NKAIN2: variants seen among roughly 807,000 people sequenced by gnomAD.
The protein encoded by NKAIN2 is sodium/potassium-transporting ATPase subunit beta-1-interacting protein 2.
In NKAIN2, 14 loss-of-function variants were observed where a neutral mutation model predicts 32.6. The ratio of observed to expected loss-of-function variants is 0.43; its 90% CI spans 0.28 to 0.67. The LOEUF is 0.67. Among genes scored for constraint, NKAIN2 ranks in the 30% least tolerant of loss-of-function variants. The pLI is 0.17. For missense variants in NKAIN2, 198 were observed against 258.3 expected (o/e 0.77, Z 1.60); for synonymous variants, 80 against 87.2 (o/e 0.92, Z 0.46).
At chr6:124,132,832 G>T (rs1175973506) in intron 1 of NKAIN2, among the ~76,000 whole-genome samples, 1 of 152,164 alleles carries the variant, frequency 6.6e-6, no homozygotes, top group African/African-American at 2.4e-5. Flanking sequence ...AGCCCCACTG[G>T]GTGACTAGGC....
intron 3 of NKAIN2, among the ~76,000 whole-genome samples, chr6:124,379,332 G>A (rs1043735357): frequency 5.4e-5 from 8 of 146,902 alleles, no homozygotes; most frequent in African/African-American, 7.6e-5. Flanking sequence ...GAAGGGAGGA[G>A]AGAGGGGAGT....
intron 1 of NKAIN2, among the ~76,000 whole-genome samples, chr6:124,268,897 G>A (rs1001043923): frequency 1.1e-4 from 17 of 151,896 alleles, no homozygotes; most frequent in African/African-American, 4.1e-4. Flanking sequence ...TCAGTTTTCT[G>A]ATCTTAAAAA....
At chr6:124,394,485 AGATAGATAGATAGATAGATAGATT>A (rs1241271729) in intron 3 of NKAIN2, among the ~76,000 whole-genome samples, 2 of 151,428 alleles carry the variant, frequency 1.3e-5, no homozygotes, top group Non-Finnish European at 3.0e-5. Context: ...ATAGATAGAT[AGATAGATAGATAGATAGATAGATT>A]AGATAGATAC....
At chr6:124,622,449 G>A (rs575610628) in intron 3 of NKAIN2, among the ~76,000 whole-genome samples, 1 of 152,274 alleles carries the variant, frequency 6.6e-6, no homozygotes, top group Admixed American at 6.5e-5. Flanking sequence ...GTCTAGGGGT[G>A]GATGCCTGCA....
chr6:124,100,290 A>G (rs538156789), intron 1 of NKAIN2, among the ~76,000 whole-genome samples: 34 of 152,330 alleles, frequency 2.2e-4, no homozygotes, highest in African/African-American at 6.3e-4. Flanking sequence ...AAAGAACTCA[A>G]TGGAGTTTAT....
At chr6:124,579,172 A>G (rs1583467967) in intron 3 of NKAIN2, among the ~76,000 whole-genome samples, 1 of 152,182 alleles carries the variant, frequency 6.6e-6, no homozygotes, top group Non-Finnish European at 1.5e-5. Flanking sequence ...ACCAGTAAAT[A>G]CCTAACTCTT....
At chr6:124,793,274 C>T (rs1344728775) in intron 5 of NKAIN2, among the ~76,000 whole-genome samples, 3 of 152,084 alleles carry the variant, frequency 2.0e-5, no homozygotes, top group Non-Finnish European at 4.4e-5. Flanking sequence ...GTTCAGTTTG[C>T]ACAGGTTGAG....
intron 3 of NKAIN2, among the ~76,000 whole-genome samples, chr6:124,634,814 G>C (rs894895916): frequency 3.3e-5 from 5 of 151,854 alleles, no homozygotes; most frequent in Admixed American, 6.6e-5. Flanking sequence ...AAGCCAAAGA[G>C]AGAATTCTAA....
At chr6:124,143,405 A>C (rs2114345911) in intron 1 of NKAIN2, among the ~76,000 whole-genome samples, 1 of 152,304 alleles carries the variant, frequency 6.6e-6, no homozygotes, top group Middle Eastern at 3.4e-3. Flanking sequence ...GGCTGCAGTG[A>C]GTTATGACTG....
chr6:124,370,689 A>G (rs577010820), intron 3 of NKAIN2, among the ~76,000 whole-genome samples: 1 of 152,272 alleles, frequency 6.6e-6, no homozygotes, highest in East Asian at 1.9e-4. Flanking sequence ...AAAAATCTCT[A>G]GTGATAGGTC....
At chr6:124,273,663 C>T (rs1050612261) in intron 1 of NKAIN2, among the ~76,000 whole-genome samples, 1 of 152,118 alleles carries the variant, frequency 6.6e-6, no homozygotes, top group African/African-American at 2.4e-5. Context: ...TATCACATTG[C>T]TCAATACCTA....
chr6:124,288,541 G>A (rs760014432), intron 2 of NKAIN2, among the ~76,000 whole-genome samples: 6 of 152,072 alleles, frequency 3.9e-5, no homozygotes, highest in South Asian at 2.1e-4. Flanking sequence ...TTATTCATGC[G>A]GGAAAACAAT....
At chr6:124,147,608 C>G (rs1227496535) in intron 1 of NKAIN2, among the ~76,000 whole-genome samples, 1 of 149,270 alleles carries the variant, frequency 6.7e-6, no homozygotes, top group Non-Finnish European at 1.5e-5. Flanking sequence ...ATGTCTTCAA[C>G]AAAAAAAAAG....
At chr6:124,508,196 G>A (rs1778563525) in intron 3 of NKAIN2, among the ~76,000 whole-genome samples, 1 of 152,030 alleles carries the variant, frequency 6.6e-6, no homozygotes, top group Non-Finnish European at 1.5e-5. Context: ...GGTTAAGGCT[G>A]TAGTGAGCAG....
intron 3 of NKAIN2, among the ~76,000 whole-genome samples, chr6:124,507,810 A>G (rs1053575805): frequency 2.0e-5 from 3 of 152,178 alleles, no homozygotes; most frequent in African/African-American, 7.2e-5. Context: ...AAACCCGGGG[A>G]CATAATAGAA....
chr6:124,119,353 A>G (rs773957112), intron 1 of NKAIN2, among the ~76,000 whole-genome samples: 6 of 152,210 alleles, frequency 3.9e-5, no homozygotes, highest in Non-Finnish European at 7.3e-5. Flanking sequence ...GCACCTGGGA[A>G]TGATCACCCA....
chr6:123,860,189 C>T (rs943307989), intron 1 of NKAIN2, among the ~76,000 whole-genome samples: 1 of 152,042 alleles, frequency 6.6e-6, no homozygotes, highest in Non-Finnish European at 1.5e-5. Flanking sequence ...TTTCACCAAA[C>T]ATCAGCAGAG....
chr6:124,634,054 A>G (rs1783677112), intron 3 of NKAIN2, among the ~76,000 whole-genome samples: 1 of 152,176 alleles, frequency 6.6e-6, no homozygotes, highest in African/African-American at 2.4e-5. Flanking sequence ...AACAAAAGCC[A>G]AAGCACTCTA....
Position 124,547,384 on chromosome 6 carries a change from T to A in NKAIN2, c.274-110802T>A, listed in dbSNP as rs993563520. Reference sequence around the variant, plus strand: ...GAACTAAATAATCACCACAAACTAATTGAATGATATGAAGTATTCAGGGTC... The same window carrying A: ...GAACTAAATAATCACCACAAACTAAATGAATGATATGAAGTATTCAGGGTC... On this transcript the variant is annotated intron_variant, in intron 3 of 6. Coordinates refer to ENST00000368417, the MANE Select transcript of NKAIN2 (RefSeq NM_001040214.3). Among the ~76,000 whole-genome samples the A allele has an allele frequency of 1.4e-4, 21 of 152,326 alleles. No individual in the cohort carries two copies. In the East Asian group the frequency reaches 3.3e-3, roughly 24 times the overall value.
Sources: allele counts gnomAD v4.1 joint callset (sites outside exome capture counted in the v4.1 genomes callset), GRCh38; gene constraint gnomAD v4.1.1; transcripts MANE v1.5; gene names NCBI Gene and HGNC (gene_info 2026-07-23, HGNC 2026-07-21).